Variants in FOCAD observed in about 807,000 individuals in gnomAD.
FOCAD encodes the protein KIAA1797.
In FOCAD, 198 loss-of-function variants were observed where a neutral mutation model predicts 225.6. That is an observed-to-expected ratio of 0.88 (90% confidence interval 0.78 to 0.99). FOCAD has a LOEUF of 0.99. Among genes scored for constraint, FOCAD ranks in the 50% least tolerant of loss-of-function variants. The pLI is 0.00. For synonymous variants in FOCAD, 897 were observed against 755.0 expected (o/e 1.19, Z -3.08); for missense variants, 2,713 against 2,123.6 (o/e 1.28, Z -5.46).
intron 5 of FOCAD, among the ~76,000 whole-genome samples, chr9:20,757,596 G>A (rs984995502): frequency 3.3e-5 from 5 of 152,160 alleles, no homozygotes; most frequent in Non-Finnish European, 5.9e-5. Flanking sequence ...CTGGGGAAGC[G>A]CAGAACCATA....
chr9:20,696,195 G>A (rs184323371), intron 1 of FOCAD, among the ~76,000 whole-genome samples: 4 of 152,264 alleles, frequency 2.6e-5, no homozygotes, highest in Non-Finnish European at 5.9e-5. Flanking sequence ...AAATATTTCT[G>A]AAATACTTGT....
chr9:20,897,263 G>A (rs529436313), intron 21 of FOCAD, among the ~76,000 whole-genome samples: 30 of 151,528 alleles, frequency 2.0e-4, no homozygotes, highest in Non-Finnish European at 3.5e-4. Flanking sequence ...ATCCATTTAC[G>A]TTTTATCTGT....
intron 39 of FOCAD, 24 bp from the exon 40 acceptor site, chr9:20,986,264 C>T (rs774185323): frequency 8.9e-6 from 4 of 451,928 alleles, no homozygotes; most frequent in Middle Eastern, 4.5e-4. Flanking sequence ...AGTAACTAAA[C>T]AATTTTTTTT....
intron 20 of FOCAD, among the ~76,000 whole-genome samples, chr9:20,883,556 A>T (rs567439481): frequency 6.6e-6 from 1 of 152,240 alleles, no homozygotes; most frequent in Non-Finnish European, 1.5e-5. Flanking sequence ...TTGTCCTCTG[A>T]TGACAATGGG....
chr9:20,767,974 C>T (rs1167392647), intron 7 of FOCAD, among the ~76,000 whole-genome samples: 1 of 152,060 alleles, frequency 6.6e-6, no homozygotes, highest in Non-Finnish European at 1.5e-5. Context: ...ATGTTTAAGT[C>T]TTTAATCCAT....
intron 11 of FOCAD, among the ~76,000 whole-genome samples, chr9:20,812,818 G>A (rs1477636307): frequency 6.6e-6 from 1 of 152,082 alleles, no homozygotes. Context: ...GCTAAATGAA[G>A]TTGATAAGAT....
At chr9:20,814,789 T>C (rs187579277) in intron 11 of FOCAD, among the ~76,000 whole-genome samples, 15 of 152,294 alleles carry the variant, frequency 9.8e-5, no homozygotes, top group Admixed American at 8.5e-4. Flanking sequence ...AACTACTCTT[T>C]TACTTCTCCC....
Position 20,764,950 on chromosome 9 carries a change from T to G in FOCAD, c.576T>G (p.Ala192=). The G allele has an allele frequency of 6.2e-7, 1 of 1,614,140 alleles. No individual in the cohort carries two copies. Among genetic ancestry groups the G allele is most frequent in the Non-Finnish European group, 8.5e-7 (1 of 1,180,008 alleles). ...AACCATCTCAGTTACAAGAATATGCTAAACTCCGACTAGCCCTGCTGAAAG... is the reference window on the plus strand; with the variant it reads ...AACCATCTCAGTTACAAGAATATGCGAAACTCCGACTAGCCCTGCTGAAAG... ...YCEPSQLQEY[A]KLRLALLKVL... Residue 192 remains alanine, a synonymous_variant, in exon 7 of 44, where the codon GCT becomes GCG. Transcript: ENST00000338382.
In FOCAD at chr9:20,924,380, C is replaced by T. The variant is rs371161541; in HGVS notation, c.2961+612C>T. On this transcript the variant is annotated intron_variant, in intron 25 of 43. Transcript: ENST00000338382. ...ATATAGGCTTTGGAATAAGAAAGTCCTATATTTAGATCCTATTACTTCCAC... is the reference window on the plus strand; with the variant it reads ...ATATAGGCTTTGGAATAAGAAAGTCTTATATTTAGATCCTATTACTTCCAC... Among the ~76,000 whole-genome samples the T allele has an allele frequency of 2.4e-4, 37 of 152,230 alleles. No homozygotes were observed. In the East Asian group the frequency reaches 3.5e-3, roughly 14 times the overall value.
intron 2 of FOCAD, among the ~76,000 whole-genome samples, chr9:20,659,705 C>G (rs1363213359): frequency 3.3e-5 from 5 of 152,188 alleles, no homozygotes; most frequent in African/African-American, 4.8e-5. Context: ...GTTATGGCAG[C>G]TGTAGCAAAC....
In FOCAD at chr9:20,923,660, G is replaced by C. The variant is rs1834666790; in HGVS notation, c.2853G>C (p.Lys951Asn). 1.9e-6 allele frequency: 3 copies of C among 1,613,088 alleles called. No individual in the cohort carries two copies. Among genetic ancestry groups the C allele is most frequent in the Non-Finnish European group, 1.7e-6 (2 of 1,179,414 alleles). Residue 951 changes from lysine to asparagine, a missense_variant and splice_region_variant, in exon 25 of 44, where the codon AAG becomes AAC. By Grantham distance (94) the Lys-to-Asn change is moderately conservative. Coordinates refer to ENST00000338382, the MANE Select transcript of FOCAD (RefSeq NM_001375567.1). ...LTDEITKAAA[K>N]ESPVVKGNAL... ...TTGAAATTTTTTTCCTTTTGAACAG[G>C]GAGAGTCCGGTAGTGAAAGGCAATG...
At chr9:20,890,043 T>A (rs775010736) in intron 21 of FOCAD, among the ~76,000 whole-genome samples, 2 of 152,182 alleles carry the variant, frequency 1.3e-5, no homozygotes, top group Non-Finnish European at 2.9e-5. Flanking sequence ...ATTTTTTCTA[T>A]GACCTTACTA....
chr9:20,684,065 C>T (rs1476662791), upstream of FOCAD: 1 of 152,302 alleles, frequency 6.6e-6, no homozygotes, highest in Non-Finnish European at 1.5e-5. Flanking sequence ...GGCTGCAGAG[C>T]GCGGGTCCGC....
chr9:20,956,049 G>A (rs1021359810), intron 35 of FOCAD, among the ~76,000 whole-genome samples: 10 of 152,126 alleles, frequency 6.6e-5, no homozygotes, highest in Non-Finnish European at 7.4e-5. Context: ...TTAAGTCCAC[G>A]TAATAGTCAT....
Position 20,795,289 on chromosome 9 carries a change from C to T in FOCAD, c.1455+5681C>T, listed in dbSNP as rs989256215. On this transcript the variant is annotated intron_variant, in intron 11 of 43. Transcript: ENST00000338382. ...AAGGAAAATAAATGTTTAAAAATGA[C>T]GAATATTGCATAAAATAAGATTTTA... Among the ~76,000 whole-genome samples, 3 of 152,146 alleles carry T rather than the reference C, an allele frequency of 2.0e-5. No homozygotes were observed. In the East Asian group the frequency reaches 5.8e-4, roughly 29 times the overall value.
chr9:20,691,328 T>A (rs946912509), intron 1 of FOCAD, among the ~76,000 whole-genome samples: 1 of 152,148 alleles, frequency 6.6e-6, no homozygotes, highest in African/African-American at 2.4e-5. Flanking sequence ...TGTCCCTTTT[T>A]AGACTCCTTT....
chr9:20,986,547 T>C (rs1841191359), intron 40 of FOCAD, 82 bp downstream of exon 40: 2 of 1,304,604 alleles, frequency 1.5e-6, no homozygotes, highest in Non-Finnish European at 2.0e-6. Flanking sequence ...AGTTCTCAAC[T>C]TAAAAATTAG....
chr9:20,812,886 A>G (rs1373597134), intron 11 of FOCAD, among the ~76,000 whole-genome samples: 1 of 152,218 alleles, frequency 6.6e-6, no homozygotes, highest in Non-Finnish European at 1.5e-5. Flanking sequence ...AACACATAAC[A>G]TGAAATCTAC....
At chr9:20,686,097 AT>A (rs995772601) in intron 1 of FOCAD, among the ~76,000 whole-genome samples, 5 of 152,236 alleles carry the variant, frequency 3.3e-5, no homozygotes, top group Admixed American at 2.0e-4. Context: ...TAAATTGTTA[AT>A]ATCACTATTA....
Sources: allele counts gnomAD v4.1 joint callset (sites outside exome capture counted in the v4.1 genomes callset), GRCh38; gene constraint gnomAD v4.1.1; transcripts MANE v1.5; gene names NCBI Gene and HGNC (gene_info 2026-07-23, HGNC 2026-07-21).